The following PLEKHA7 variants were observed in gnomAD, a reference collection of about 807,000 sequenced individuals.
PLEKHA7 encodes the protein pleckstrin homology domain containing A7, also known as pleckstrin homology domain-containing family A member 7.
Under a neutral mutation model 170.0 loss-of-function variants are expected in PLEKHA7, and 104 were observed. That is an observed-to-expected ratio of 0.61 (90% CI 0.52 to 0.72). The LOEUF is 0.72. Ranked by LOEUF, PLEKHA7 falls within the 30% of genes least tolerant of loss-of-function variation. The probability of loss-of-function intolerance (pLI) is 0.00; values close to 1 mark genes in which losing one functional copy is unlikely to be tolerated. For synonymous variants in PLEKHA7, 648 were observed against 660.8 expected (o/e 0.98, Z 0.30); for missense variants, 1,615 against 1,671.7 (o/e 0.97, Z 0.59).
At chr11:16,984,148 T>G (rs55749020) in intron 3 of PLEKHA7, among the ~76,000 whole-genome samples, 7,684 of 152,220 alleles carry the variant, frequency 0.05, 367 homozygotes, top group East Asian at 0.14. Flanking sequence ...GGTACTGTGT[T>G]AAACATGCTA....
chr11:16,863,994 C>T (rs571407361), intron 4 of PLEKHA7, among the ~76,000 whole-genome samples: 1 of 152,350 alleles, frequency 6.6e-6, no homozygotes, highest in Non-Finnish European at 1.5e-5. Context: ...AAAGTTATTA[C>T]AGATGAAATT....
intron 13 of PLEKHA7, 33 bp downstream of exon 13, chr11:16,813,080 T>C (rs1352548198): frequency 1.2e-6 from 2 of 1,601,352 alleles, no homozygotes; most frequent in South Asian, 1.1e-5. Context: ...AAGGTGAGTA[T>C]GCAAGGAAGG....
chr11:16,930,838 C>T (rs16933683), intron 3 of PLEKHA7, among the ~76,000 whole-genome samples: 17,263 of 152,100 alleles, frequency 0.11, 1,002 homozygotes, highest in Admixed American at 0.16. Context: ...ATAATTTTAA[C>T]GGGACCAAAT....
intron 26 of PLEKHA7, 71 bp downstream of exon 26, chr11:16,782,683 C>T (rs1279748621): frequency 6.6e-7 from 1 of 1,513,200 alleles, no homozygotes; most frequent in Non-Finnish European, 8.8e-7. Context: ...CTGGAACAGG[C>T]CATGCTGGGC....
intron 3 of PLEKHA7, among the ~76,000 whole-genome samples, chr11:16,904,653 T>C (rs1461153800): frequency 1.3e-5 from 2 of 152,186 alleles, no homozygotes; most frequent in Non-Finnish European, 2.9e-5. Flanking sequence ...TTGTGGAAAA[T>C]TTAGAAAATA....
intron 3 of PLEKHA7, among the ~76,000 whole-genome samples, chr11:17,000,200 C>T (rs933530478): frequency 2.0e-5 from 3 of 152,192 alleles, no homozygotes; most frequent in African/African-American, 7.2e-5. Context: ...TCTCGTGCCT[C>T]AGCCTCCCGA....
chr11:16,794,820 C>T, intron 18 of PLEKHA7, 90 bp downstream of exon 18: 3 of 1,488,626 alleles, frequency 2.0e-6, no homozygotes, highest in South Asian at 2.3e-5. Flanking sequence ...TCCCCAAGGG[C>T]CATCCCACCC....
At chr11:16,967,289 C>T (rs560612011) in intron 3 of PLEKHA7, among the ~76,000 whole-genome samples, 21 of 152,314 alleles carry the variant, frequency 1.4e-4, no homozygotes, top group Non-Finnish European at 1.9e-4. Context: ...TCTCCAGCAA[C>T]CTCTAGGATA....
chr11:16,859,230 C>T (rs1353337662), intron 4 of PLEKHA7, among the ~76,000 whole-genome samples: 5 of 152,222 alleles, frequency 3.3e-5, no homozygotes, highest in Admixed American at 3.3e-4. Context: ...AAGGCACACA[C>T]AGCTACCCAC....
chr11:16,797,677 C>G (rs184628859), intron 17 of PLEKHA7, among the ~76,000 whole-genome samples: 65 of 152,318 alleles, frequency 4.3e-4, no homozygotes, highest in African/African-American at 1.5e-3. Context: ...CATGAGCATC[C>G]TAAAACAGAC....
At chr11:16,813,021 G>C (rs1214588546) in intron 13 of PLEKHA7, 92 bp downstream of exon 13, 1 of 1,073,490 alleles carries the variant, frequency 9.3e-7, no homozygotes, top group Non-Finnish European at 1.4e-6. Context: ...GATAAGACCT[G>C]TCTGGCCTTT....
At chr11:16,899,280 T>C (rs1857180025) in intron 3 of PLEKHA7, among the ~76,000 whole-genome samples, 1 of 152,210 alleles carries the variant, frequency 6.6e-6, no homozygotes. Context: ...GCGGATCACC[T>C]GAGGTCGGGA....
At chr11:16,861,182 G>T (rs927285951) in intron 4 of PLEKHA7, among the ~76,000 whole-genome samples, 10 of 152,064 alleles carry the variant, frequency 6.6e-5, no homozygotes, top group Non-Finnish European at 1.5e-4. Flanking sequence ...GTAATTCTGT[G>T]TCTGGAGGAC....
intron 10 of PLEKHA7, among the ~76,000 whole-genome samples, chr11:16,824,842 C>A (rs911074652): frequency 6.6e-6 from 1 of 152,210 alleles, no homozygotes; most frequent in African/African-American, 2.4e-5. Context: ...AACTTTCCAA[C>A]CTCACTCAGC....
At chr11:16,875,606 C>G (rs1292016064) in intron 3 of PLEKHA7, among the ~76,000 whole-genome samples, 1 of 152,012 alleles carries the variant, frequency 6.6e-6, no homozygotes, top group Non-Finnish European at 1.5e-5. Flanking sequence ...CACCACCATG[C>G]CCGGCTAATT....
At chr11:16,790,980 T>G in intron 20 of PLEKHA7, 31 bp downstream of exon 20, 4 of 1,613,872 alleles carry the variant, frequency 2.5e-6, no homozygotes, top group Non-Finnish European at 2.5e-6. Flanking sequence ...TCCCCACATG[T>G]AGAGTGGCAG....
At chr11:16,943,496 G>A (rs1474989632) in intron 3 of PLEKHA7, among the ~76,000 whole-genome samples, 2 of 152,146 alleles carry the variant, frequency 1.3e-5, no homozygotes, top group East Asian at 1.9e-4. Context: ...TTTTAGCAGT[G>A]AGAACTTGCT....
Position 17,014,389 on chromosome 11 carries a change from T to TCGCCGC in PLEKHA7, c.7_12dup (p.Ala3_Ala4dup). On this transcript the variant is annotated inframe_insertion, in exon 1 of 27. Coordinates refer to ENST00000531066, the MANE Select transcript of PLEKHA7 (RefSeq NM_001329630.2). Reference sequence around the variant, plus strand: ...TCAGGTAAAGTGTCCCGCCCGACCGTCGCCGCCGCCATGTTCGCCGAGCGC... The same window carrying TCGCCGC: ...TCAGGTAAAGTGTCCCGCCCGACCGTCGCCGCCGCCGCCGCCATGTTCGCCGAGCGC... 1 of 1,284,852 alleles carries TCGCCGC rather than the reference T, an allele frequency of 7.8e-7. No homozygotes were observed. Among genetic ancestry groups the TCGCCGC allele is most frequent in the Non-Finnish European group, 1.0e-6 (1 of 999,310 alleles). 79.6% of individuals were successfully genotyped at this position (1,284,852 alleles called of 1,614,324 possible).
chr11:16,830,332 T>C (rs1851011861), intron 9 of PLEKHA7, among the ~76,000 whole-genome samples: 1 of 152,162 alleles, frequency 6.6e-6, no homozygotes, highest in South Asian at 2.1e-4. Context: ...ATAGAGGATG[T>C]GCTGAGGCTA....
Sources: gnomAD v4.1 joint callset for allele counts (sites outside exome capture counted in the v4.1 genomes callset) on GRCh38, gnomAD v4.1.1 for gene constraint, MANE v1.5 for transcripts, NCBI Gene and HGNC (gene_info 2026-07-23, HGNC 2026-07-21) for gene names.